Variants in MRTFB observed in about 807,000 individuals in gnomAD.
MRTFB encodes myocardin-related transcription factor B.
MRTFB carries 29 observed loss-of-function variants against 104.2 expected under a neutral mutation model. The observed-to-expected ratio is 0.28, with a 90% CI of 0.21 to 0.38. The LOEUF (loss-of-function observed/expected upper bound fraction) is 0.38, where lower values mean the gene tolerates loss of function less well. MRTFB is among the 10% of genes least tolerant of loss of function. MRTFB has a pLI of 1.00. For synonymous variants in MRTFB, 535 were observed against 519.5 expected, an observed-to-expected ratio of 1.03 and a Z score of -0.41; for missense variants, 1,270 against 1,341.6, an observed-to-expected ratio of 0.95 and a Z score of 0.83.
At chr16:13,995,332 G>T in the MRTFB span, among the ~76,000 whole-genome samples, 2 of 152,076 alleles carry the variant, frequency 1.3e-5, no homozygotes, top group East Asian at 3.9e-4. Context: ...TATGTGATAA[G>T]GACCAGGAGC....
chr16:14,031,825 T>A, the MRTFB span, among the ~76,000 whole-genome samples: 1 of 152,162 alleles, frequency 6.6e-6, no homozygotes, highest in African/African-American at 2.4e-5. Context: ...TTTATCTTTT[T>A]GAGACAGAGT....
chr16:14,093,275 T>C (rs2035186332), intron 2 of MRTFB, among the ~76,000 whole-genome samples: 1 of 151,880 alleles, frequency 6.6e-6, no homozygotes, highest in Admixed American at 6.6e-5. Flanking sequence ...AAAGCATAAA[T>C]ACAATTGTAT....
intron 3 of MRTFB, among the ~76,000 whole-genome samples, chr16:14,196,383 G>A (rs1490538007): frequency 6.6e-6 from 1 of 152,206 alleles, no homozygotes; most frequent in Admixed American, 6.5e-5. Flanking sequence ...TCTAAGAGAA[G>A]GTAAATGCTA....
chr16:14,217,866 ATC>A lies in MRTFB; in HGVS notation c.514+585_514+586del, dbSNP rs1483691933. Among the ~76,000 whole-genome samples, 7 of 152,300 alleles carry A rather than the reference ATC, an allele frequency of 4.6e-5. No individual in the cohort carries two copies. The East Asian group carries it at 7.7e-4, about 17-fold the overall frequency. Reference sequence around the variant, plus strand: ...GAGCAGATGAGTACAGAATGGTAGTATCTCTCTGTTTTATCCTCGTCTTACCA... The same window carrying A: ...GAGCAGATGAGTACAGAATGGTAGTATCTCTGTTTTATCCTCGTCTTACCA... On this transcript the variant is annotated intron_variant, in intron 7 of 16. Transcript: ENST00000571589.
At chr16:14,237,823 C>T (rs2042587243) in intron 9 of MRTFB, among the ~76,000 whole-genome samples, 1 of 152,002 alleles carries the variant, frequency 6.6e-6, no homozygotes, top group Non-Finnish European at 1.5e-5. Context: ...CATCAGTTGA[C>T]AGTGAGGATG....
intron 10 of MRTFB, among the ~76,000 whole-genome samples, chr16:14,242,778 T>C (rs1017834163): frequency 6.6e-6 from 1 of 152,064 alleles, no homozygotes; most frequent in Non-Finnish European, 1.5e-5. Flanking sequence ...GGGAGAAAAA[T>C]AGATTAACAT....
Position 14,167,769 on chromosome 16 carries a change from G to C in MRTFB, c.154+27009G>C, listed in dbSNP as rs1349687529. On this transcript the variant is annotated intron_variant, in intron 3 of 16. Transcript: ENST00000571589. ...TGCAGTGGCGCGATCTTGGCTCACT[G>C]CAAGCTCCGCCTCCCAGGTTCATGC... 9.2e-5 allele frequency among the ~76,000 whole-genome samples: 14 copies of C among 152,296 alleles called. No homozygotes were observed. The East Asian group carries it at 2.5e-3, about 27-fold the overall frequency.
chr16:14,163,058 T>C (rs548006150), intron 3 of MRTFB, among the ~76,000 whole-genome samples: 45 of 152,314 alleles, frequency 3.0e-4, no homozygotes, highest in Admixed American at 2.6e-3. Flanking sequence ...CTATAGTATA[T>C]AAAATCATTT....
intron 3 of MRTFB, among the ~76,000 whole-genome samples, chr16:14,179,763 C>T (rs920885244): frequency 1.3e-5 from 2 of 152,172 alleles, no homozygotes; most frequent in African/African-American, 4.8e-5. Context: ...GGTCAGAGGA[C>T]TAGACTGAAG....
chr16:14,019,516 A>G, the MRTFB span: 1 of 152,252 alleles, frequency 6.6e-6, no homozygotes, highest in African/African-American at 2.4e-5. Context: ...AATCTCTATC[A>G]AGTTTTTTTT....
At chr16:14,184,311 C>G (rs921384679) in intron 3 of MRTFB, among the ~76,000 whole-genome samples, 2 of 151,546 alleles carry the variant, frequency 1.3e-5, no homozygotes, top group African/African-American at 4.9e-5. Context: ...TAACCTCTGC[C>G]TCCCGGGTTC....
intron 3 of MRTFB, among the ~76,000 whole-genome samples, chr16:14,145,689 T>C (rs1013520785): frequency 3.3e-5 from 5 of 152,248 alleles, no homozygotes; most frequent in African/African-American, 1.2e-4. Flanking sequence ...CAGAAACACA[T>C]GCATAATCTA....
the MRTFB span, among the ~76,000 whole-genome samples, chr16:13,997,988 T>G: frequency 6.6e-6 from 1 of 152,118 alleles, no homozygotes; most frequent in Non-Finnish European, 1.5e-5. Flanking sequence ...TGGTTTTACA[T>G]GCTAGACTTG....
rs527575159 is a variant in MRTFB, at chr16:14,140,597, C to T, written c.-10C>T. 1.9e-6 allele frequency: 3 copies of T among 1,614,050 alleles called. No individual in the cohort carries two copies. The highest frequency in any genetic ancestry group is 2.7e-5 in the African/African-American group (2 of 75,030). On this transcript the variant is annotated 5_prime_UTR_variant, in exon 3 of 17. Transcript: ENST00000571589. ...GTCTTACACTCCCTGTTGCCAGTGG[C>T]TGGAACACAATGGATCACACAGGGG...
upstream of MRTFB, among the ~76,000 whole-genome samples, chr16:14,070,218 A>C (rs886374594): frequency 5.3e-5 from 8 of 152,156 alleles, no homozygotes; most frequent in Admixed American, 2.0e-4. Flanking sequence ...CCTACCTACA[A>C]GGTAGTGCTG....
rs1416442747 is a variant in MRTFB at position 14,177,693 on chromosome 16, T to A, written c.155-32550T>A. Among the ~76,000 whole-genome samples the A allele has an allele frequency of 6.6e-6, 1 of 151,870 alleles. No individual in the cohort carries two copies. The highest frequency in any genetic ancestry group is 1.9e-4 in the East Asian group (1 of 5,192). On this transcript the variant is annotated intron_variant, in intron 3 of 16. Coordinates refer to ENST00000571589, the MANE Select transcript of MRTFB (RefSeq NM_001308142.2). The surrounding 1 kb of genome is among the most constrained non-coding windows in gnomAD (Gnocchi z 4.7). ...ACAAAATTAACTGGGCATGGTGGCA[T>A]GAGCCTGTAGACCCAGCTACTGGGG...
upstream of MRTFB, among the ~76,000 whole-genome samples, chr16:14,069,671 G>A (rs1366991537): frequency 2.0e-5 from 3 of 151,860 alleles, no homozygotes; most frequent in South Asian, 2.1e-4. Flanking sequence ...TTGTAGAGAC[G>A]GGGTCTCACT....
chr16:14,243,825 C>T (rs1200016964), intron 10 of MRTFB, among the ~76,000 whole-genome samples: 1 of 150,118 alleles, frequency 6.7e-6, no homozygotes, highest in Non-Finnish European at 1.5e-5. Flanking sequence ...CATGATCATC[C>T]TGACTTCTAT....
chr16:14,077,705 T>C (rs1338581587), intron 1 of MRTFB, among the ~76,000 whole-genome samples: 1 of 152,182 alleles, frequency 6.6e-6, no homozygotes, highest in African/African-American at 2.4e-5. Context: ...GTAAGAATGC[T>C]GGAGGGATTA....
Sources: allele counts gnomAD v4.1 joint callset (sites outside exome capture counted in the v4.1 genomes callset), GRCh38; gene constraint gnomAD v4.1.1; non-coding constraint Gnocchi (gnomAD v3.1); transcripts MANE v1.5; gene names NCBI Gene and HGNC (gene_info 2026-07-23, HGNC 2026-07-21).